GRM4: variants seen among roughly 807,000 people sequenced by gnomAD.
GRM4 encodes the protein metabotropic glutamate receptor 4.
GRM4 carries 28 observed loss-of-function variants against 81.7 expected under a neutral mutation model. That is an observed-to-expected ratio of 0.34 (90% CI 0.25 to 0.47). The LOEUF (loss-of-function observed/expected upper bound fraction) is 0.47, where lower values mean the gene tolerates loss of function less well. GRM4 is among the 20% of genes least tolerant of loss of function. The pLI, the probability that GRM4 is intolerant of heterozygous loss-of-function variation, is 1.00. For synonymous variants in GRM4, 488 were observed against 528.8 expected (o/e 0.92, Z 1.06); for missense variants, 948 against 1,290.0 (o/e 0.73, Z 4.06).
intron 2 of GRM4, among the ~76,000 whole-genome samples, chr6:34,098,403 C>T (rs1172740901): frequency 6.6e-6 from 1 of 152,224 alleles, no homozygotes; most frequent in East Asian, 1.9e-4. Context: ...CTGCCCCACC[C>T]TCCTTGCTGA....
At chr6:34,038,096 GA>G (rs1214320849) in intron 8 of GRM4, among the ~76,000 whole-genome samples, 1 of 152,186 alleles carries the variant, frequency 6.6e-6, no homozygotes, top group African/African-American at 2.4e-5. Context: ...AACTGCAGGG[GA>G]AAGACCCTTC....
Position 34,069,966 on chromosome 6 carries a change from G to T in GRM4, c.737-7938C>A, listed in dbSNP as rs997937178. Among the ~76,000 whole-genome samples, 2 of 152,196 alleles carry T rather than the reference G, an allele frequency of 1.3e-5. No individual in the cohort carries two copies. The highest frequency in any genetic ancestry group is 6.5e-5 in the Admixed American group (1 of 15,288). On this transcript the variant is annotated intron_variant, in intron 3 of 10. Transcript: ENST00000538487. The surrounding 1 kb of genome is among the most constrained non-coding windows in gnomAD (Gnocchi z 6.4). ...CTGCCTGGGGCCTTACAGAGCCCAG[G>T]ACACGTGCGGGGCCTGCCCAGGACG...
chr6:34,131,968 C>T (rs1179119020), intron 2 of GRM4, among the ~76,000 whole-genome samples: 1 of 148,736 alleles, frequency 6.7e-6, no homozygotes, highest in Non-Finnish European at 1.5e-5. Context: ...CACAAACACA[C>T]ACACATGCAC....
intron 6 of GRM4, 79 bp from the exon 7 acceptor site, chr6:34,040,827 T>A: frequency 8.3e-7 from 1 of 1,208,986 alleles, no homozygotes; most frequent in Admixed American, 1.8e-5. Context: ...CAGACCACCC[T>A]CTGGCCACCT....
At chr6:34,058,933 G>C (rs1295384514) in intron 5 of GRM4, 41 bp downstream of exon 5, 1 of 1,559,272 alleles carries the variant, frequency 6.4e-7, no homozygotes, top group Non-Finnish European at 8.8e-7. Context: ...AGGAGGAGCA[G>C]TCCAGGATGG....
chr6:34,131,254 G>A (rs1301740027), intron 2 of GRM4, among the ~76,000 whole-genome samples: 1 of 152,212 alleles, frequency 6.6e-6, no homozygotes, highest in Non-Finnish European at 1.5e-5. Context: ...CCTACCGCGA[G>A]GGCAGAAATG....
Position 34,022,425 on chromosome 6 carries a change from A to G in GRM4, c.*396T>C. On this transcript the variant is annotated 3_prime_UTR_variant, in exon 11 of 11. Transcript: ENST00000538487. The surrounding 1 kb of genome is among the most constrained non-coding windows in gnomAD (Gnocchi z 5.6). ...CAGCCGGGGACGCCAGAGAGGGAAA[A>G]GGTGAAACAAAGAGATAAGAGAACA... 4.7e-6 allele frequency: 1 copy of G among 212,620 alleles called. No individual in the cohort carries two copies. The highest frequency in any genetic ancestry group is 9.4e-6 in the Non-Finnish European group (1 of 106,024). 13.2% of individuals were successfully genotyped at this position (212,620 alleles called of 1,614,324 possible). A position where few individuals can be genotyped will look rare whatever the true frequency, so the allele number is the denominator to read the frequency against.
rs748389360 is a variant in GRM4, at chr6:34,133,475, C to CCAA, written c.19_21dup (p.Leu7dup). 1.3e-6 allele frequency: 2 copies of CCAA among 1,578,600 alleles called. No individual in the cohort carries two copies. Among genetic ancestry groups the CCAA allele is most frequent in the South Asian group, 2.3e-5 (2 of 85,610 alleles). On this transcript the variant is annotated inframe_insertion, in exon 2 of 11. Coordinates refer to ENST00000538487, the MANE Select transcript of GRM4 (RefSeq NM_000841.4). This position sits in a 1 kb window ranked among gnomAD's most constrained non-coding sequence, Gnocchi z 6.5. ...AGGGGCAGCCGGGCCCACCACCAGC[C>CCAA]CAAGCCTCTCTTCCCAGGCATCTCG...
rs1353781533 is a variant in GRM4 at position 34,035,955 on chromosome 6, C to T, written c.2155G>A (p.Val719Met). Reference sequence around the variant, plus strand: ...ACCACCGAGTGGGAGGGGTCCACCACAAACCACACACAGATGCCCAGCAGC... The same window carrying T: ...ACCACCGAGTGGGAGGGGTCCACCATAAACCACACACAGATGCCCAGCAGC... ...LQLLGICVWF[V>M]VDPSHSVVDF... The change falls in exon 9 of 11, where the codon GTG (valine) becomes ATG (methionine). Residue 719 changes from valine (V) to methionine (M), a missense_variant. Val to Met is a conservative substitution (Grantham distance 21). Coordinates refer to ENST00000538487, the MANE Select transcript of GRM4 (RefSeq NM_000841.4). The surrounding 1 kb of genome is among the most constrained non-coding windows in gnomAD (Gnocchi z 6.6). 13 of 1,613,316 alleles carry T rather than the reference C, an allele frequency of 8.1e-6. No homozygotes were observed. Among genetic ancestry groups the T allele is most frequent in the South Asian group, 1.1e-5 (1 of 91,046 alleles).
At chr6:34,079,754 C>A (rs1767490333) in intron 3 of GRM4, among the ~76,000 whole-genome samples, 1 of 152,190 alleles carries the variant, frequency 6.6e-6, no homozygotes, top group South Asian at 2.1e-4. Flanking sequence ...CCTCTGGCCA[C>A]AGGCAACCCA....
chr6:34,081,806 G>T (rs528737248), intron 3 of GRM4, among the ~76,000 whole-genome samples: 1 of 152,350 alleles, frequency 6.6e-6, no homozygotes, highest in Non-Finnish European at 1.5e-5. Context: ...GGCAGCTGGG[G>T]CTTATCTCAG....
intron 9 of GRM4, 47 bp from the exon 10 acceptor site, chr6:34,028,413 G>A: frequency 1.3e-6 from 2 of 1,577,420 alleles, no homozygotes; most frequent in East Asian, 2.2e-5. Context: ...CCCCGACTGA[G>A]GGCCCTGACT....
At position 34,069,177 on chromosome 6, in the gene GRM4, C is replaced by G. The variant is rs1488756465; in HGVS notation, c.737-7149G>C. Among the ~76,000 whole-genome samples, 1 of 139,836 alleles carries G rather than the reference C, an allele frequency of 7.2e-6. No homozygotes were observed. The highest frequency in any genetic ancestry group is 3.0e-5 in the African/African-American group (1 of 33,546). The allele number at this position is 139,836 out of a possible 152,430, so 91.7% of individuals were successfully genotyped here. On this transcript the variant is annotated intron_variant, in intron 3 of 10. Transcript: ENST00000538487. This position sits in a 1 kb window ranked among gnomAD's most constrained non-coding sequence, Gnocchi z 6.4. Reference sequence around the variant, plus strand: ...ACCCTCATGGGCGTATACACACACACACACACACACACACACACACACACA... The same window carrying G: ...ACCCTCATGGGCGTATACACACACAGACACACACACACACACACACACACA...
chr6:34,068,148 G>A lies in GRM4; in HGVS notation c.737-6120C>T, dbSNP rs1766584629. Among the ~76,000 whole-genome samples, 1 of 152,204 alleles carries A rather than the reference G, an allele frequency of 6.6e-6. No homozygotes were observed. Among genetic ancestry groups the A allele is most frequent in the Non-Finnish European group, 1.5e-5 (1 of 68,040 alleles). ...GAGGACAGCAGCAGCATGACGTGCT[G>A]GAGGGAGACGGGGGGGCTGCATCCC... is the stretch of plus-strand genomic sequence containing the variant. On this transcript the variant is annotated intron_variant, in intron 3 of 10. Transcript: ENST00000538487. The surrounding 1 kb of genome is among the most constrained non-coding windows in gnomAD (Gnocchi z 4.2).
intron 6 of GRM4, among the ~76,000 whole-genome samples, chr6:34,044,059 C>T (rs2127448994): frequency 6.6e-6 from 1 of 151,770 alleles, no homozygotes; most frequent in African/African-American, 2.4e-5. Flanking sequence ...GACATACATA[C>T]ATACACATAT....
chr6:34,105,216 CCAGGGCCAGGCTGG>C (rs1405112175), intron 2 of GRM4, among the ~76,000 whole-genome samples: 1 of 152,168 alleles, frequency 6.6e-6, no homozygotes, highest in Non-Finnish European at 1.5e-5. Flanking sequence ...CACAGCCAGG[CCAGGGCCAGGCTGG>C]CAGCCCCAAG....
At chr6:34,087,678 G>A (rs1451200223) in intron 3 of GRM4, among the ~76,000 whole-genome samples, 5 of 146,938 alleles carry the variant, frequency 3.4e-5, no homozygotes, top group African/African-American at 1.1e-4. Flanking sequence ...AGGTCCACAC[G>A]TGCCCGCACA....
At chr6:34,033,086 C>T (rs1351985463) in intron 9 of GRM4, among the ~76,000 whole-genome samples, 8 of 152,306 alleles carry the variant, frequency 5.3e-5, no homozygotes, top group South Asian at 2.1e-4. Flanking sequence ...CCTGCACCTG[C>T]GCTCAGCAGG....
At chr6:34,094,730 C>G (rs1768417941) in intron 2 of GRM4, among the ~76,000 whole-genome samples, 1 of 152,158 alleles carries the variant, frequency 6.6e-6, no homozygotes, top group Non-Finnish European at 1.5e-5. Context: ...GCCTCCACGC[C>G]CCTCCTGATC....
Sources: allele counts gnomAD v4.1 joint callset (sites outside exome capture counted in the v4.1 genomes callset), GRCh38; gene constraint gnomAD v4.1.1; non-coding constraint Gnocchi (gnomAD v3.1); transcripts MANE v1.5; gene names NCBI Gene and HGNC (gene_info 2026-07-23, HGNC 2026-07-21).